GPR158: variants seen among roughly 807,000 people sequenced by gnomAD.
GPR158 encodes the protein G protein-coupled receptor 158.
A neutral mutation model predicts 78.2 loss-of-function variants in GPR158; 30 were observed. The observed-to-expected ratio is 0.38, with a 90% CI of 0.29 to 0.52. The LOEUF is 0.52. Ranked by LOEUF, GPR158 falls within the 20% of genes least tolerant of loss-of-function variation. The pLI is 0.83. For missense variants in GPR158, 1,463 were observed against 1,523.5 expected (o/e 0.96, Z 0.66); for synonymous variants, 581 against 591.1 (o/e 0.98, Z 0.25).
At chr10:25,540,355 C>G (rs2130702168) in intron 5 of GPR158, among the ~76,000 whole-genome samples, 1 of 152,266 alleles carries the variant, frequency 6.6e-6, no homozygotes, top group Middle Eastern at 3.4e-3. Flanking sequence ...GGACTATAAA[C>G]TAGTTCAACC....
Position 25,439,967 on chromosome 10 carries a change from G to A in GPR158, c.1336-26684G>A, listed in dbSNP as rs376726821. Reference sequence around the variant, plus strand: ...TTCCGTTGAATATTTTTAGAAATGAGCTTTCATGAAATCAGAGCTCCATCT... The same window carrying A: ...TTCCGTTGAATATTTTTAGAAATGAACTTTCATGAAATCAGAGCTCCATCT... On this transcript the variant is annotated intron_variant, in intron 4 of 10. Coordinates refer to ENST00000376351, the MANE Select transcript of GPR158 (RefSeq NM_020752.3). Among the ~76,000 whole-genome samples, 13 of 152,258 alleles carry A rather than the reference G, an allele frequency of 8.5e-5. No homozygotes were observed. The South Asian group carries it at 2.5e-3, about 29-fold the overall frequency.
chr10:25,473,978 C>A (rs527993176), intron 5 of GPR158, among the ~76,000 whole-genome samples: 1 of 152,016 alleles, frequency 6.6e-6, no homozygotes, highest in East Asian at 1.9e-4. Context: ...ATGTTAAAAA[C>A]TTTGAGATGG....
chr10:25,561,537 G>A (rs890988315), intron 6 of GPR158, among the ~76,000 whole-genome samples: 2 of 152,136 alleles, frequency 1.3e-5, no homozygotes, highest in Admixed American at 6.5e-5. Context: ...GCAGTGGGGA[G>A]GGACCAATAG....
At chr10:25,360,673 T>C (rs1447522743) in intron 2 of GPR158, among the ~76,000 whole-genome samples, 1 of 152,152 alleles carries the variant, frequency 6.6e-6, no homozygotes, top group African/African-American at 2.4e-5. Context: ...CCTTGTAGTA[T>C]TGTTTGAAGT....
chr10:25,393,160 A>G (rs1333626729), intron 2 of GPR158, among the ~76,000 whole-genome samples: 1 of 152,148 alleles, frequency 6.6e-6, no homozygotes, highest in Non-Finnish European at 1.5e-5. Flanking sequence ...TCATTTTTTT[A>G]TGTTGGCTGT....
chr10:25,590,101 G>T (rs1030595184), intron 8 of GPR158, among the ~76,000 whole-genome samples: 3 of 152,036 alleles, frequency 2.0e-5, no homozygotes, highest in Admixed American at 2.0e-4. Context: ...GCAGTTGTGG[G>T]TCTGGGGGAA....
At chr10:25,568,223 G>A (rs1170495258) in intron 6 of GPR158, among the ~76,000 whole-genome samples, 1 of 152,156 alleles carries the variant, frequency 6.6e-6, no homozygotes, top group Non-Finnish European at 1.5e-5. Context: ...ATCTGAACTG[G>A]AGATATAGAG....
chr10:25,225,588 TA>T (rs1853362365), intron 2 of GPR158, among the ~76,000 whole-genome samples: 1 of 152,138 alleles, frequency 6.6e-6, no homozygotes, highest in South Asian at 2.1e-4. Context: ...TTTCTTTTAT[TA>T]AAAAGTTAAA....
At chr10:25,592,694 T>C (rs1837357493) in intron 8 of GPR158, among the ~76,000 whole-genome samples, 1 of 152,048 alleles carries the variant, frequency 6.6e-6, no homozygotes, top group Admixed American at 6.6e-5. Context: ...ACTGCCATGC[T>C]ACTTTAAAGT....
At chr10:25,423,177 GTATATACACACA>G (rs1011959941) in intron 4 of GPR158, among the ~76,000 whole-genome samples, 5 of 149,296 alleles carry the variant, frequency 3.3e-5, no homozygotes, top group African/African-American at 1.2e-4. Context: ...GTGTATATAT[GTATATACACACA>G]TATATACACA....
intron 5 of GPR158, among the ~76,000 whole-genome samples, chr10:25,500,567 A>G (rs979677086): frequency 6.6e-6 from 1 of 152,236 alleles, no homozygotes; most frequent in African/African-American, 2.4e-5. Flanking sequence ...ACCTTTACAC[A>G]GTAATTTATT....
At chr10:25,515,043 A>C (rs1427842529) in intron 5 of GPR158, among the ~76,000 whole-genome samples, 1 of 151,964 alleles carries the variant, frequency 6.6e-6, no homozygotes, top group East Asian at 1.9e-4. Flanking sequence ...TGAGCTTCTT[A>C]TATTTGGATG....
At chr10:25,421,097 A>G (rs1031689318) in intron 4 of GPR158, among the ~76,000 whole-genome samples, 49 of 152,330 alleles carry the variant, frequency 3.2e-4, no homozygotes, top group African/African-American at 1.0e-3. Context: ...AATAAACACA[A>G]AATATCTTTC....
At chr10:25,183,803 G>A (rs1415675722) in intron 1 of GPR158, among the ~76,000 whole-genome samples, 1 of 152,190 alleles carries the variant, frequency 6.6e-6, no homozygotes, top group East Asian at 1.9e-4. Context: ...TGTCCAATGT[G>A]TATGCCTTGT....
intron 6 of GPR158, among the ~76,000 whole-genome samples, chr10:25,565,809 T>C (rs1335192): frequency 0.57 from 86,887 of 151,732 alleles, 26,882 homozygotes; most frequent in African/African-American, 0.82. Context: ...CTGACCGTGG[T>C]GAGTGATAGA....
chr10:25,554,296 A>G (rs1836760931), intron 6 of GPR158, among the ~76,000 whole-genome samples: 1 of 152,224 alleles, frequency 6.6e-6, no homozygotes, highest in Non-Finnish European at 1.5e-5. Flanking sequence ...TCAGGAAATT[A>G]TGAATACTGA....
At chr10:25,433,547 T>TGTGG (rs67750453) in intron 4 of GPR158, among the ~76,000 whole-genome samples, 1 of 96,330 alleles carries the variant, frequency 1.0e-5, no homozygotes. Flanking sequence ...TGTGTGTGTG[T>TGTGG]TGTGTGTGTG....
At chr10:25,269,320 C>A (rs1718897448) in intron 2 of GPR158, among the ~76,000 whole-genome samples, 1 of 152,150 alleles carries the variant, frequency 6.6e-6, no homozygotes, top group Non-Finnish European at 1.5e-5. Context: ...TGCTAGTGAG[C>A]AGAGTATGTG....
intron 5 of GPR158, among the ~76,000 whole-genome samples, chr10:25,501,701 C>T (rs904331438): frequency 6.6e-6 from 1 of 152,104 alleles, no homozygotes; most frequent in Non-Finnish European, 1.5e-5. Context: ...CTCAAGTAGC[C>T]GGAGCAGACT....
Sources: allele counts gnomAD v4.1 joint callset (sites outside exome capture counted in the v4.1 genomes callset), GRCh38; gene constraint gnomAD v4.1.1; transcripts MANE v1.5; gene names NCBI Gene and HGNC (gene_info 2026-07-23, HGNC 2026-07-21).